Variants in NDUFAF2 observed in about 807,000 individuals in gnomAD.
NDUFAF2 encodes the protein NADH:ubiquinone oxidoreductase complex assembly factor 2, also known as NADH dehydrogenase [ubiquinone] 1 alpha subcomplex assembly factor 2.
Under a neutral mutation model 22.8 loss-of-function variants are expected in NDUFAF2, and 13 were observed. The observed-to-expected ratio is 0.57, with a 90% CI of 0.37 to 0.91. The LOEUF (loss-of-function observed/expected upper bound fraction) is 0.91, where lower values mean the gene tolerates loss of function less well. NDUFAF2 is among the 40% of genes least tolerant of loss of function. The pLI is 0.01. For synonymous variants in NDUFAF2, 53 were observed against 64.2 expected, an observed-to-expected ratio of 0.83 and a Z score of 0.84; for missense variants, 162 against 195.2, an observed-to-expected ratio of 0.83 and a Z score of 1.01.
At chr5:61,098,793 G>GT (rs1752673407) in intron 2 of NDUFAF2, among the ~76,000 whole-genome samples, 199 bp from the exon 3 acceptor site, 2 of 152,050 alleles carry the variant, frequency 1.3e-5, no homozygotes, top group Admixed American at 1.3e-4. Flanking sequence ...CCAACCATAT[G>GT]TTTGTGTGTT....
At chr5:61,056,276 A>G (rs1461816606) in intron 1 of NDUFAF2, among the ~76,000 whole-genome samples, 1 of 152,192 alleles carries the variant, frequency 6.6e-6, no homozygotes, top group Non-Finnish European at 1.5e-5. Context: ...CCCCATCTTA[A>G]AGTAATACCA....
chr5:61,063,944 G>T (rs1382227154), intron 1 of NDUFAF2, among the ~76,000 whole-genome samples: 1 of 152,112 alleles, frequency 6.6e-6, no homozygotes, highest in Non-Finnish European at 1.5e-5. Flanking sequence ...GTGATAGAAT[G>T]GTTAGATGGA....
At chr5:61,010,617 C>T (rs931739039) in intron 1 of NDUFAF2, among the ~76,000 whole-genome samples, 1 of 152,010 alleles carries the variant, frequency 6.6e-6, no homozygotes. Context: ...CTTGTCTTAC[C>T]ACTCTCTGTT....
chr5:61,146,436 T>C (rs1401162237), intron 3 of NDUFAF2: 2 of 152,204 alleles, frequency 1.3e-5, no homozygotes, highest in Non-Finnish European at 2.9e-5. Context: ...AGTTGAAGTA[T>C]GTCCTTTAAT....
At chr5:61,141,806 T>C (rs1741064056) in intron 3 of NDUFAF2, among the ~76,000 whole-genome samples, 1 of 152,198 alleles carries the variant, frequency 6.6e-6, no homozygotes, top group South Asian at 2.1e-4. Flanking sequence ...TAGGGCAGGC[T>C]CTATATAGCC....
At chr5:60,986,489 TG>T (rs1414280759) in intron 1 of NDUFAF2, among the ~76,000 whole-genome samples, 4 of 152,192 alleles carry the variant, frequency 2.6e-5, no homozygotes, top group Admixed American at 6.5e-5. Flanking sequence ...GGGAAATTTC[TG>T]GCACTATACA....
intron 3 of NDUFAF2, among the ~76,000 whole-genome samples, chr5:61,121,400 G>T (rs2111799014): frequency 6.6e-6 from 1 of 152,172 alleles, no homozygotes; most frequent in East Asian, 1.9e-4. Context: ...CAAATTGATG[G>T]GTTACAGCTT....
At chr5:60,956,696 TAA>T (rs2112565334) in intron 1 of NDUFAF2, among the ~76,000 whole-genome samples, 1 of 152,306 alleles carries the variant, frequency 6.6e-6, no homozygotes, top group African/African-American at 2.4e-5. Context: ...TATACGTTTA[TAA>T]AAGTTGTGAG....
chr5:60,992,708 C>T (rs1037682242), intron 1 of NDUFAF2, among the ~76,000 whole-genome samples: 2 of 152,064 alleles, frequency 1.3e-5, no homozygotes, highest in African/African-American at 4.8e-5. Context: ...TTGTAGGAAG[C>T]TCTGGTATTG....
intron 3 of NDUFAF2, among the ~76,000 whole-genome samples, chr5:61,126,747 C>G (rs1019711200): frequency 6.6e-6 from 1 of 151,820 alleles, no homozygotes; most frequent in African/African-American, 2.4e-5. Context: ...CATGGATTCA[C>G]CTAAGAAAAC....
chr5:60,971,958 T>C (rs1466805868), intron 1 of NDUFAF2, among the ~76,000 whole-genome samples: 29 of 148,992 alleles, frequency 1.9e-4, no homozygotes, highest in African/African-American at 5.0e-4. Flanking sequence ...TTTTTTTTTT[T>C]CTGAGACGGA....
At chr5:61,073,094 T>TA (rs1457592191) in intron 1 of NDUFAF2, 31 bp from the exon 2 acceptor site, 2 of 1,391,606 alleles carry the variant, frequency 1.4e-6, no homozygotes, top group Non-Finnish European at 1.0e-6. Flanking sequence ...TAGGTTCATT[T>TA]AAAAATGTAT....
intron 3 of NDUFAF2, among the ~76,000 whole-genome samples, chr5:61,126,296 C>G (rs1363171657): frequency 6.6e-6 from 1 of 151,774 alleles, no homozygotes; most frequent in East Asian, 1.9e-4. Flanking sequence ...CAGGTCCTGT[C>G]TTCAAACTGT....
chr5:60,991,494 C>G (rs926823528), intron 1 of NDUFAF2, among the ~76,000 whole-genome samples: 3 of 152,274 alleles, frequency 2.0e-5, no homozygotes, highest in East Asian at 1.9e-4. Flanking sequence ...CTTCTACTGT[C>G]TAGCTCCATG....
At chr5:61,014,581 G>A (rs1040731248) in intron 1 of NDUFAF2, among the ~76,000 whole-genome samples, 2 of 152,140 alleles carry the variant, frequency 1.3e-5, no homozygotes, top group Non-Finnish European at 2.9e-5. Flanking sequence ...CCTGGGACTT[G>A]TGACCTGTGT....
intron 2 of NDUFAF2, among the ~76,000 whole-genome samples, 178 bp from the exon 3 acceptor site, chr5:61,098,814 A>T (rs1486967647): frequency 6.6e-6 from 1 of 152,192 alleles, no homozygotes; most frequent in Non-Finnish European, 1.5e-5. Context: ...TATTTTCTGC[A>T]ACCCCTTCAG....
In NDUFAF2 at chr5:61,111,180, C is replaced by T. The variant is rs569644730; in HGVS notation, c.258+12148C>T. Among the ~76,000 whole-genome samples the T allele has an allele frequency of 4.6e-5, 7 of 152,258 alleles. No homozygotes were observed. In the South Asian group the frequency reaches 8.3e-4, roughly 18 times the overall value. On this transcript the variant is annotated intron_variant, in intron 3 of 3. Transcript: ENST00000296597. ...TTCCATTGTGGTCAGAGAAGATACT[C>T]GAGATAATTTCAACTGTTTTGAAAT...
At chr5:60,961,031 AATT>A in intron 1 of NDUFAF2, among the ~76,000 whole-genome samples, 1 of 152,154 alleles carries the variant, frequency 6.6e-6, no homozygotes, top group East Asian at 1.9e-4. Flanking sequence ...TTGTAAAATA[AATT>A]ATTATTGTTG....
chr5:60,977,751 C>T (rs1035568678), intron 1 of NDUFAF2, among the ~76,000 whole-genome samples: 1 of 150,610 alleles, frequency 6.6e-6, no homozygotes, highest in Non-Finnish European at 1.5e-5. Flanking sequence ...GCAGGAGAAT[C>T]GCTTGAACCT....
Sources: allele counts gnomAD v4.1 joint callset (sites outside exome capture counted in the v4.1 genomes callset), GRCh38; gene constraint gnomAD v4.1.1; transcripts MANE v1.5; gene names NCBI Gene and HGNC (gene_info 2026-07-23, HGNC 2026-07-21).